C5: variants seen among roughly 807,000 people sequenced by gnomAD.
C5 encodes C3 and PZP-like alpha-2-macroglobulin domain-containing protein 4.
A neutral mutation model predicts 218.8 loss-of-function variants in C5; 140 were observed. That is an observed-to-expected ratio of 0.64 (90% CI 0.56 to 0.74). The LOEUF (loss-of-function observed/expected upper bound fraction) is 0.74. C5 is among the 30% of genes least tolerant of loss of function. The pLI, the probability that C5 is intolerant of heterozygous loss-of-function variation, is 0.00. For missense variants in C5, 1,700 were observed against 1,969.6 expected (o/e 0.86, Z 2.59); for synonymous variants, 614 against 682.3 (o/e 0.90, Z 1.56).
At chr9:121,070,311 C>G in the C5 span, among the ~76,000 whole-genome samples, 2 of 147,742 alleles carry the variant, frequency 1.4e-5, no homozygotes, top group Non-Finnish European at 3.0e-5. Context: ...GAGCTGAGAT[C>G]ATGCCATTGC....
chr9:120,969,123 C>T lies in C5; in HGVS notation c.4163-5G>A. 1 of 1,613,030 alleles carries T rather than the reference C, an allele frequency of 6.2e-7. No homozygotes were observed. Among genetic ancestry groups the T allele is most frequent in the East Asian group, 2.2e-5 (1 of 44,874 alleles). On this transcript the variant is annotated splice_region_variant and splice_polypyrimidine_tract_variant and intron_variant, in intron 32 of 40. Coordinates refer to ENST00000223642, the MANE Select transcript of C5 (RefSeq NM_001735.3). ...CGTAGCCTCTGTAGTGGGATGCTGG[C>T]ACATAAGACAAGAAAACAAACAGAC...
chr9:120,988,663 TG>T (rs1398170104), intron 25 of C5, among the ~76,000 whole-genome samples: 1 of 152,192 alleles, frequency 6.6e-6, no homozygotes, highest in Non-Finnish European at 1.5e-5. Flanking sequence ...CTGGGTAAGA[TG>T]GGAAGCTCCT....
At chr9:120,992,403 T>C (rs1366834990) in intron 22 of C5, among the ~76,000 whole-genome samples, 1 of 152,264 alleles carries the variant, frequency 6.6e-6, no homozygotes, top group Non-Finnish European at 1.5e-5. Flanking sequence ...TTAGCCTCAA[T>C]TTGTTCATCA....
the C5 span, among the ~76,000 whole-genome samples, chr9:121,060,929 T>G: frequency 6.6e-6 from 1 of 152,214 alleles, no homozygotes; most frequent in Non-Finnish European, 1.5e-5. Context: ...GGCTCACACC[T>G]GTAATCCCAG....
intron 27 of C5, 149 bp downstream of exon 27, chr9:120,981,695 T>C (rs2046995004): frequency 1.6e-6 from 1 of 640,476 alleles, no homozygotes; most frequent in Non-Finnish European, 2.8e-6. Flanking sequence ...TGTTCTGAAA[T>C]CTTTCAATTC....
At chr9:121,020,804 A>T (rs944369237) in intron 11 of C5, among the ~76,000 whole-genome samples, 1 of 152,226 alleles carries the variant, frequency 6.6e-6, no homozygotes, top group Non-Finnish European at 1.5e-5. Context: ...AAATTAGTTA[A>T]TCAAAAGAGA....
the C5 span, among the ~76,000 whole-genome samples, chr9:121,070,969 T>C: frequency 6.6e-6 from 1 of 152,150 alleles, no homozygotes; most frequent in Non-Finnish European, 1.5e-5. Context: ...TATTAAAACA[T>C]CACTATGTAT....
At chr9:121,047,067 A>G (rs2047633974) in intron 1 of C5, among the ~76,000 whole-genome samples, 1 of 152,236 alleles carries the variant, frequency 6.6e-6, no homozygotes, top group Non-Finnish European at 1.5e-5. Context: ...GCAAATCATC[A>G]TCTTCAAACA....
rs1183628864 is a variant in C5 at position 121,030,619 on chromosome 9, ATCATCATCG to A, written c.668-141_668-133del. ...ACACAACATCCACTTTATTATCATA[ATCATCATCG>A]TCATCATCGTCATCACCAACAACAA... is the stretch of plus-strand genomic sequence containing the variant. On this transcript the variant is annotated intron_variant, in intron 6 of 40. Transcript: ENST00000223642. The A allele has an allele frequency of 2.0e-5, 12 of 599,200 alleles. No individual in the cohort carries two copies. In the East Asian group the frequency reaches 2.9e-4, roughly 14 times the overall value. 37.1% of individuals were successfully genotyped at this position (599,200 alleles called of 1,614,324 possible). A position where few individuals can be genotyped will look rare whatever the true frequency, so the allele number is the denominator to read the frequency against.
At chr9:121,062,285 T>C in the C5 span, among the ~76,000 whole-genome samples, 4 of 152,226 alleles carry the variant, frequency 2.6e-5, no homozygotes, top group African/African-American at 9.6e-5. Flanking sequence ...GTGAATGCTC[T>C]GTGTGAATGA....
intron 20 of C5, chr9:120,999,622 A>AACACAC (rs201018636): frequency 4.7e-6 from 1 of 212,662 alleles, no homozygotes; most frequent in African/African-American, 2.4e-5. Flanking sequence ...ACTGCCTGCT[A>AACACAC]ACACACACAC....
intron 25 of C5, 37 bp from the exon 26 acceptor site, chr9:120,982,851 G>C: frequency 8.5e-7 from 1 of 1,181,462 alleles, no homozygotes; most frequent in Non-Finnish European, 1.2e-6. Flanking sequence ...TATTTAGAAC[G>C]CTGAATCCCT....
chr9:121,021,589 T>C lies in C5; in HGVS notation c.1222A>G (p.Lys408Glu). 1 of 1,613,974 alleles carries C rather than the reference T, an allele frequency of 6.2e-7. No homozygotes were observed. Among genetic ancestry groups the C allele is most frequent in the Non-Finnish European group, 8.5e-7 (1 of 1,179,864 alleles). ...CCATCATCAACACGTGTTACACTTT[T>C]GCTTGGATCCAAGTCAGATGTCTCT... ...NQETSDLDPS[K>E]SVTRVDDGVA... The change falls in exon 11 of 41, where the codon AAA becomes GAA. Residue 408 changes from lysine to glutamate, a missense_variant. Transcript: ENST00000223642.
At position 120,978,479 on chromosome 9, in the gene C5, T is replaced by A. The variant is rs117298669; in HGVS notation, c.3659-1574A>T. Among the ~76,000 whole-genome samples the A allele has an allele frequency of 9.2e-5, 14 of 152,346 alleles. No homozygotes were observed. The East Asian group carries it at 2.7e-3, about 29-fold the overall frequency. On this transcript the variant is annotated intron_variant, in intron 28 of 40. Transcript: ENST00000223642. ...AAGTTCCCTTCTAGATCTTAAATTT[T>A]ATGATTTTATGACCCATATCTCACA...
At position 120,971,979 on chromosome 9, in the gene C5, T is replaced by G. The variant is rs568473378; in HGVS notation, c.4031A>C (p.Asp1344Ala). Residue 1344 changes from aspartate (D) to alanine (A), a missense_variant, in exon 31 of 41, where the codon GAT becomes GCT. Physicochemically the swap from Asp to Ala is moderately radical, Grantham distance 126. Transcript: ENST00000223642. Reference protein sequence around the residue: ...LGRPVEVLLNDDLIVSTGFGS... With the variant: ...LGRPVEVLLNADLIVSTGFGS... ...AAATCCTGTACTGACAATGAGGTCA[T>G]CATTGAGAAGCACCTGGAAAGATAA... The G allele has an allele frequency of 6.2e-7, 1 of 1,612,974 alleles. No homozygotes were observed. Among genetic ancestry groups the G allele is most frequent in the South Asian group, 1.1e-5 (1 of 91,070 alleles).
chr9:121,026,543 G>C (rs2047425063), intron 8 of C5, among the ~76,000 whole-genome samples: 1 of 152,230 alleles, frequency 6.6e-6, no homozygotes, highest in South Asian at 2.1e-4. Flanking sequence ...TTTGTTGTAG[G>C]GGCCTGCCCT....
intron 38 of C5, 93 bp downstream of exon 38, chr9:120,960,155 A>G: frequency 1.2e-6 from 1 of 801,094 alleles, no homozygotes; most frequent in South Asian, 1.4e-5. Context: ...TTGTATTCAT[A>G]TAATCACTAT....
chr9:121,050,639 A>C (rs1192570525), upstream of C5, among the ~76,000 whole-genome samples: 1 of 152,178 alleles, frequency 6.6e-6, no homozygotes, highest in East Asian at 1.9e-4. Context: ...AATACTGATG[A>C]AGACCCACCT....
Position 120,962,878 on chromosome 9 carries a change from G to C in C5, c.4398+15C>G. Reference sequence around the variant, plus strand: ...TAGTAATAGTAAAGGAAAAATGGTTGCAGGTGGAGCTTACCGAATTCAGTT... The same window carrying C: ...TAGTAATAGTAAAGGAAAAATGGTTCCAGGTGGAGCTTACCGAATTCAGTT... On this transcript the variant is annotated intron_variant, in intron 35 of 40. Coordinates refer to ENST00000223642, the MANE Select transcript of C5 (RefSeq NM_001735.3). 6.2e-7 allele frequency: 1 copy of C among 1,612,180 alleles called. No individual in the cohort carries two copies. Among genetic ancestry groups the C allele is most frequent in the African/African-American group, 1.3e-5 (1 of 75,022 alleles).
Sources: gnomAD v4.1 joint callset for allele counts (sites outside exome capture counted in the v4.1 genomes callset) on GRCh38, gnomAD v4.1.1 for gene constraint, MANE v1.5 for transcripts, NCBI Gene and HGNC (gene_info 2026-07-23, HGNC 2026-07-21) for gene names.